Variants in ZHX3 observed in about 807,000 individuals in gnomAD.
ZHX3 encodes zinc fingers and homeoboxes protein 3.
Under a neutral mutation model 64.5 loss-of-function variants are expected in ZHX3, and 20 were observed. That is an observed-to-expected ratio of 0.31 (90% confidence interval 0.22 to 0.45). The LOEUF is 0.45. ZHX3 is among the 20% of genes least tolerant of loss of function. ZHX3 has a pLI of 1.00. For synonymous variants in ZHX3, 423 were observed against 461.6 expected (o/e 0.92, Z 1.07); for missense variants, 1,041 against 1,195.8 (o/e 0.87, Z 1.91).
rs189987904 is a variant in ZHX3, at chr20:41,200,115, A to T, written c.2860+1942T>A. On this transcript the variant is annotated intron_variant, in intron 3 of 3. Coordinates refer to ENST00000683867, the MANE Select transcript of ZHX3 (RefSeq NM_001384317.1). This position sits in a 1 kb window ranked among gnomAD's most constrained non-coding sequence, Gnocchi z 4.2. Reference sequence around the variant, plus strand: ...CAGAGCTTGCGGATGCTGAAACAAAAAAAAACCATCAAAATTTGTAAGCCT... The same window carrying T: ...CAGAGCTTGCGGATGCTGAAACAAATAAAAACCATCAAAATTTGTAAGCCT... 0.021 allele frequency among the ~76,000 whole-genome samples: 3,159 copies of T among 152,304 alleles called. 102 individuals are homozygous for T. The highest frequency in any genetic ancestry group is 0.071 in the African/African-American group (2,960 of 41,552).
chr20:41,289,289 C>G (rs1402937202), intron 1 of ZHX3, among the ~76,000 whole-genome samples: 4 of 152,178 alleles, frequency 2.6e-5, no homozygotes, highest in Non-Finnish European at 5.9e-5. Flanking sequence ...GCATGAGCCA[C>G]AGCACTCAGC....
intron 2 of ZHX3, among the ~76,000 whole-genome samples, chr20:41,254,923 C>T (rs1183802436): frequency 6.6e-6 from 1 of 151,974 alleles, no homozygotes; most frequent in Non-Finnish European, 1.5e-5. Context: ...AGGAAAGGTA[C>T]TACAATGGGC....
chr20:41,296,667 T>C (rs1444577990), intron 1 of ZHX3, among the ~76,000 whole-genome samples: 1 of 152,232 alleles, frequency 6.6e-6, no homozygotes, highest in African/African-American at 2.4e-5. Context: ...CCCTGCTCTC[T>C]GTCTTGGCAG....
Position 41,317,708 on chromosome 20 carries a change from TCTCGGAGGCG to T in ZHX3, c.-454_-445del, listed in dbSNP as rs1453732255. The T allele has an allele frequency of 6.6e-6, 1 of 151,534 alleles. No homozygotes were observed. The highest frequency in any genetic ancestry group is 2.4e-5 in the African/African-American group (1 of 41,262). The allele number at this position is 151,534 out of a possible 1,614,324, so 9.4% of individuals were successfully genotyped here. ...GGGCCGCTCGGCTGGGCTCGGCCGC[TCTCGGAGGCG>T]CTCGGCTCTGCTCGGCCTTGCACGG... On this transcript the variant is annotated 5_prime_UTR_variant, in exon 1 of 4. Coordinates refer to ENST00000683867, the MANE Select transcript of ZHX3 (RefSeq NM_001384317.1).
At chr20:41,247,167 C>A (rs1198274660) in intron 2 of ZHX3, among the ~76,000 whole-genome samples, 8 of 152,096 alleles carry the variant, frequency 5.3e-5, no homozygotes, top group African/African-American at 1.9e-4. Flanking sequence ...CTTGGCGGGG[C>A]TGAGACAGGA....
At chr20:41,196,594 T>C (rs1488923754) in intron 3 of ZHX3, 1 of 98,434 alleles carries the variant, frequency 1.0e-5, no homozygotes, top group Non-Finnish European at 1.9e-5. Flanking sequence ...TATTTATATA[T>C]ATAAATATTT....
In ZHX3 at chr20:41,236,223, A is replaced by T. The variant is rs1417605012; in HGVS notation, c.-150-31157T>A. On this transcript the variant is annotated intron_variant, in intron 2 of 3. Transcript: ENST00000683867. ...AAGGTAATTTACAGATTCAATGCCA[A>T]CCCCATCAAGCTACCAATGACTTTC... Among the ~76,000 whole-genome samples the T allele has an allele frequency of 1.4e-4, 22 of 152,276 alleles. No individual in the cohort carries two copies. In the East Asian group the frequency reaches 4.0e-3, roughly 28 times the overall value.
chr20:41,253,243 A>G (rs2042076041), intron 2 of ZHX3, among the ~76,000 whole-genome samples: 2 of 97,392 alleles, frequency 2.1e-5, no homozygotes, highest in African/African-American at 1.1e-4. Context: ...TTGGGACTAC[A>G]GTAAAAAAAA....
chr20:41,305,365 C>T (rs922854594), intron 1 of ZHX3, among the ~76,000 whole-genome samples: 19 of 152,128 alleles, frequency 1.2e-4, no homozygotes, highest in African/African-American at 4.3e-4. Flanking sequence ...TGTTGGTGCA[C>T]ACCTGTGGTC....
intron 2 of ZHX3, among the ~76,000 whole-genome samples, chr20:41,241,289 G>A (rs1025998244): frequency 1.3e-4 from 20 of 152,076 alleles, no homozygotes; most frequent in South Asian, 8.3e-4. Flanking sequence ...TCCTATGCCC[G>A]TTTGCCATTT....
intron 1 of ZHX3, among the ~76,000 whole-genome samples, chr20:41,274,905 C>T (rs2043309605): frequency 6.6e-6 from 1 of 152,114 alleles, no homozygotes; most frequent in Non-Finnish European, 1.5e-5. Context: ...GCCTGTAATC[C>T]CAGCACTTTG....
At chr20:41,191,487 T>A (rs1229198763) in intron 3 of ZHX3, among the ~76,000 whole-genome samples, 1 of 152,222 alleles carries the variant, frequency 6.6e-6, no homozygotes, top group Non-Finnish European at 1.5e-5. Flanking sequence ...GAATTCTTTT[T>A]CTGGGATTTT....
chr20:41,206,147 G>A (rs538885487), intron 2 of ZHX3, among the ~76,000 whole-genome samples: 55 of 152,262 alleles, frequency 3.6e-4, no homozygotes, highest in Middle Eastern at 6.8e-3. Flanking sequence ...CCATCTGGAC[G>A]CCACCATCAT....
chr20:41,253,100 C>T (rs1201554622), intron 2 of ZHX3, among the ~76,000 whole-genome samples: 6 of 152,164 alleles, frequency 3.9e-5, no homozygotes, highest in Admixed American at 3.9e-4. Context: ...TTAGTGCCCC[C>T]ACCCTTGCCA....
chr20:41,294,023 T>C (rs973934835), intron 1 of ZHX3, among the ~76,000 whole-genome samples: 2 of 152,116 alleles, frequency 1.3e-5, no homozygotes, highest in African/African-American at 4.8e-5. Context: ...AGGAAGCCCC[T>C]TCTGGCCAGA....
intron 1 of ZHX3, among the ~76,000 whole-genome samples, chr20:41,304,385 C>T (rs1025584102): frequency 2.4e-4 from 37 of 152,180 alleles, no homozygotes; most frequent in African/African-American, 8.9e-4. Flanking sequence ...TCTGGCTACA[C>T]GTGCCTGCCA....
intron 1 of ZHX3, among the ~76,000 whole-genome samples, chr20:41,277,615 A>G (rs532118730): frequency 6.6e-5 from 10 of 150,778 alleles, no homozygotes; most frequent in Admixed American, 4.6e-4. Flanking sequence ...TTTTTGAGAC[A>G]GAGTCTCGCT....
rs1191064307 is a variant in ZHX3 at position 41,185,425 on chromosome 20, TGA to T, written c.2861-226_2861-225del. 5 of 609,110 alleles carry T rather than the reference TGA, an allele frequency of 8.2e-6. No homozygotes were observed. The highest frequency in any genetic ancestry group is 1.4e-5 in the Non-Finnish European group (5 of 347,202). The allele number at this position is 609,110 out of a possible 1,614,324, so 37.7% of individuals were successfully genotyped here. ...AACCTTGTAAGGCCATCAGACTCTC[TGA>T]GAGACCCTGCTAAACCCTAGGCCTA... On this transcript the variant is annotated intron_variant, in intron 3 of 3. Transcript: ENST00000683867. The surrounding 1 kb of genome is among the most constrained non-coding windows in gnomAD (Gnocchi z 5.0).
intron 3 of ZHX3, among the ~76,000 whole-genome samples, chr20:41,189,746 T>C (rs1334976786): frequency 6.6e-6 from 1 of 152,186 alleles, no homozygotes; most frequent in Non-Finnish European, 1.5e-5. Flanking sequence ...CATTTTTGGT[T>C]TTTCTAAGTA....
Sources: gnomAD v4.1 joint callset for allele counts (sites outside exome capture counted in the v4.1 genomes callset) on GRCh38, gnomAD v4.1.1 for gene constraint, Gnocchi (gnomAD v3.1) non-coding constraint, MANE v1.5 for transcripts, NCBI Gene and HGNC (gene_info 2026-07-23, HGNC 2026-07-21) for gene names.